The following USP3 variants were observed in gnomAD, a reference collection of about 807,000 sequenced individuals.
The protein encoded by USP3 is ubiquitin specific peptidase 3.
Under a neutral mutation model 72.3 loss-of-function variants are expected in USP3, and 20 were observed. That is an observed-to-expected ratio of 0.28 (90% CI 0.19 to 0.40). USP3 has a LOEUF of 0.40. USP3 is among the 10% of genes least tolerant of loss of function. The pLI is 1.00. For missense variants in USP3, 479 were observed against 633.9 expected (o/e 0.76, Z 2.62); for synonymous variants, 222 against 225.3 (o/e 0.99, Z 0.13).
At chr15:63,578,683 AGT>A (rs1447884334) in intron 11 of USP3, among the ~76,000 whole-genome samples, 1 of 152,162 alleles carries the variant, frequency 6.6e-6, no homozygotes, top group African/African-American at 2.4e-5. Context: ...AAAAGCTATC[AGT>A]GATCATCATA....
At chr15:63,516,314 A>G (rs543100331) in intron 1 of USP3, among the ~76,000 whole-genome samples, 1 of 152,326 alleles carries the variant, frequency 6.6e-6, no homozygotes, top group South Asian at 2.1e-4. Flanking sequence ...GTCATTTGAA[A>G]TAGTTCTCCA....
At chr15:63,511,181 G>A (rs1416145549) in intron 1 of USP3, among the ~76,000 whole-genome samples, 6 of 141,984 alleles carry the variant, frequency 4.2e-5, no homozygotes, top group East Asian at 4.4e-4. Flanking sequence ...CAAAGGTTAC[G>A]AGTTGCCCAA....
chr15:63,550,302 GC>G (rs1220518610), intron 3 of USP3, among the ~76,000 whole-genome samples: 14 of 152,224 alleles, frequency 9.2e-5, no homozygotes, highest in Non-Finnish European at 7.3e-5. Flanking sequence ...ACAGGGATAA[GC>G]CACCATGCCC....
intron 1 of USP3, 67 bp downstream of exon 1, chr15:63,504,897 A>G (rs937850532): frequency 4.7e-5 from 58 of 1,228,210 alleles, no homozygotes; most frequent in Non-Finnish European, 5.9e-5. Flanking sequence ...CCTGCCGTCT[A>G]GGGGCCGCAG....
chr15:63,547,176 C>T (rs540338107), intron 3 of USP3, among the ~76,000 whole-genome samples: 31 of 152,308 alleles, frequency 2.0e-4, no homozygotes, highest in Non-Finnish European at 4.0e-4. Flanking sequence ...TTGACAGGCA[C>T]TCTCACCTTA....
In USP3 at chr15:63,532,691, A is replaced by G. The variant is rs143426813; in HGVS notation, c.136A>G (p.Ser46Gly). The G allele has an allele frequency of 1.9e-4, 305 of 1,614,042 alleles. No individual in the cohort carries two copies. The highest frequency in any genetic ancestry group is 2.4e-4 in the Non-Finnish European group (279 of 1,179,954). The part of the protein sequence containing the change: ...KSPWVCLTCS[S>G]VHCGRYVNGH... Reference sequence around the variant, plus strand: ...CCCTTGGGTCTGTTTGACTTGTTCAAGTGTCCACTGTGGAAGGTAGGTGAC... The same window carrying G: ...CCCTTGGGTCTGTTTGACTTGTTCAGGTGTCCACTGTGGAAGGTAGGTGAC... The change falls in exon 2 of 15, where the codon AGT becomes GGT. Residue 46 changes from serine to glycine, a missense_variant. By Grantham distance (56) the Ser-to-Gly change is moderately conservative. Coordinates refer to ENST00000380324, the MANE Select transcript of USP3 (RefSeq NM_006537.4).
rs768960081 is a variant in USP3 at position 63,590,670 on chromosome 15, T to C, written c.1407T>C (p.Ser469=). The stretch of plus-strand genomic sequence containing the variant: ...TCTTTTGCCTTTACAGGGTTGGTTC[T>C]GGACATTACACAGCATACGCAACTC... The part of the protein sequence containing the change: ...VVVHHGSGVG[S]GHYTAYATHE... Residue 469 remains serine, a synonymous_variant, in exon 15 of 15, where the codon TCT becomes TCC. Transcript: ENST00000380324. The C allele has an allele frequency of 5.6e-6, 9 of 1,602,130 alleles. No homozygotes were observed. The highest frequency in any genetic ancestry group is 7.7e-6 in the Non-Finnish European group (9 of 1,174,584).
In USP3 at chr15:63,528,878, T is replaced by C; in HGVS notation, c.92-3769T>C. The C allele has an allele frequency of 2.1e-6, 1 of 478,922 alleles. No homozygotes were observed. The highest frequency in any genetic ancestry group is 3.2e-6 in the Non-Finnish European group (1 of 310,784). 29.7% of individuals were successfully genotyped at this position (478,922 alleles called of 1,614,324 possible). On this transcript the variant is annotated intron_variant, in intron 1 of 14. Transcript: ENST00000380324. The surrounding 1 kb of genome is among the most constrained non-coding windows in gnomAD (Gnocchi z 4.3). ...TTAAAGCCAGTGTTTTTCAGTCTAT[T>C]TTATATTTGTCCTGGGTACATTAAA... is the stretch of plus-strand genomic sequence containing the variant.
Position 63,592,233 on chromosome 15 carries a change from A to T in USP3, c.*1407A>T, listed in dbSNP as rs1205881458. On this transcript the variant is annotated 3_prime_UTR_variant, in exon 15 of 15. Transcript: ENST00000380324. ...ATCACGCCCAGACAGTTTTGTTTTT[A>T]AAAAACAGATTTAACTCAAAGATTC... The T allele has an allele frequency of 6.6e-6, 1 of 151,976 alleles. No individual in the cohort carries two copies. The highest frequency in any genetic ancestry group is 1.9e-4 in the East Asian group (1 of 5,178). 9.4% of individuals were successfully genotyped at this position (151,976 alleles called of 1,614,324 possible).
chr15:63,508,877 T>C lies in USP3; in HGVS notation c.91+4047T>C, dbSNP rs2065747798. ...GAGTTGAGAGTGCCTCTTTAAGTTT[T>C]CAGTACACACTTGCCTTCATATTAC... On this transcript the variant is annotated intron_variant, in intron 1 of 14. Transcript: ENST00000380324. 2.6e-5 allele frequency among the ~76,000 whole-genome samples: 4 copies of C among 152,302 alleles called. No individual in the cohort carries two copies. The South Asian group carries it at 8.3e-4, about 32-fold the overall frequency.
rs373340987 is a variant in USP3, at chr15:63,588,259, T to A, written c.1097-46T>A. 3.1e-4 allele frequency: 457 copies of A among 1,454,722 alleles called. No individual in the cohort carries two copies. The highest frequency in any genetic ancestry group is 4.1e-4 in the Non-Finnish European group (434 of 1,063,944). The allele number at this position is 1,454,722 out of a possible 1,614,324, so 90.1% of individuals were successfully genotyped here. A position where few individuals can be genotyped will look rare whatever the true frequency, so the allele number is the denominator to read the frequency against. On this transcript the variant is annotated intron_variant, in intron 11 of 14. Coordinates refer to ENST00000380324, the MANE Select transcript of USP3 (RefSeq NM_006537.4). The surrounding 1 kb of genome is among the most constrained non-coding windows in gnomAD (Gnocchi z 4.6). ...TCTTTTTTCTACAGTACATTGCCTC[T>A]ACAAAAGGCATCTTGTTTTAATGCT...
chr15:63,555,579 A>G (rs2066495529), intron 4 of USP3, among the ~76,000 whole-genome samples: 1 of 152,238 alleles, frequency 6.6e-6, no homozygotes, highest in Non-Finnish European at 1.5e-5. Flanking sequence ...AGTAACTTAC[A>G]TTTTTAAAAG....
chr15:63,523,540 C>T (rs1389296330), intron 1 of USP3, among the ~76,000 whole-genome samples: 1 of 152,190 alleles, frequency 6.6e-6, no homozygotes, highest in Non-Finnish European at 1.5e-5. Context: ...AGGAATTCTT[C>T]TCGAAGGGTT....
intron 8 of USP3, among the ~76,000 whole-genome samples, chr15:63,569,624 A>G (rs2066748636): frequency 6.6e-6 from 1 of 152,224 alleles, no homozygotes; most frequent in African/African-American, 2.4e-5. Flanking sequence ...GTTTTATAAA[A>G]GTACTTTATA....
At chr15:63,565,956 G>A (rs537013124) in intron 8 of USP3, among the ~76,000 whole-genome samples, 1 of 152,280 alleles carries the variant, frequency 6.6e-6, no homozygotes, top group South Asian at 2.1e-4. Context: ...TCTTAACACA[G>A]CTCTGTCTTG....
intron 3 of USP3, among the ~76,000 whole-genome samples, chr15:63,546,467 TAAG>T (rs1321297651): frequency 6.6e-6 from 1 of 152,210 alleles, no homozygotes; most frequent in African/African-American, 2.4e-5. Flanking sequence ...AAGGGAAAAT[TAAG>T]AAGAGTGACT....
intron 9 of USP3, among the ~76,000 whole-genome samples, chr15:63,571,354 C>T (rs1366943518): frequency 6.6e-6 from 1 of 152,092 alleles, no homozygotes; most frequent in African/African-American, 2.4e-5. Context: ...GTCCATAAAT[C>T]GGATGTGGTA....
chr15:63,543,500 A>C (rs2066276320), intron 3 of USP3, among the ~76,000 whole-genome samples: 1 of 152,214 alleles, frequency 6.6e-6, no homozygotes, highest in African/African-American at 2.4e-5. Flanking sequence ...AGAGGTCTGT[A>C]GATTTGATGA....
At chr15:63,506,205 A>G (rs1477327475) in intron 1 of USP3, among the ~76,000 whole-genome samples, 1 of 152,212 alleles carries the variant, frequency 6.6e-6, no homozygotes, top group African/African-American at 2.4e-5. Flanking sequence ...ACTTGTGTAA[A>G]TTAGCTTTTA....
Sources: gnomAD v4.1 joint callset for allele counts (sites outside exome capture counted in the v4.1 genomes callset) on GRCh38, gnomAD v4.1.1 for gene constraint, Gnocchi (gnomAD v3.1) non-coding constraint, MANE v1.5 for transcripts, NCBI Gene and HGNC (gene_info 2026-07-23, HGNC 2026-07-21) for gene names.